Variants in FHIT observed in about 807,000 individuals in gnomAD.
The protein encoded by FHIT is fragile histidine triad diadenosine triphosphatase, also known as bis(5'-adenosyl)-triphosphatase.
Under a neutral mutation model 17.9 loss-of-function variants are expected in FHIT, and 19 were observed. The ratio of observed to expected loss-of-function variants is 1.06; its 90% CI spans 0.74 to 1.56. The LOEUF (loss-of-function observed/expected upper bound fraction) is 1.56, where lower values mean the gene tolerates loss of function less well. Ranked by LOEUF, FHIT falls within the 40% of genes most tolerant of loss-of-function variation. The probability of loss-of-function intolerance (pLI) is 0.00; values close to 1 mark genes in which losing one functional copy is unlikely to be tolerated. For missense variants in FHIT, 248 were observed against 189.2 expected, an observed-to-expected ratio of 1.31 and a Z score of -1.82; for synonymous variants, 81 against 69.7, an observed-to-expected ratio of 1.16 and a Z score of -0.81.
chr3:60,946,233 C>T (rs1317789323), intron 3 of FHIT, among the ~76,000 whole-genome samples: 2 of 152,102 alleles, frequency 1.3e-5, no homozygotes, highest in Non-Finnish European at 2.9e-5. Flanking sequence ...GGCAGCAGCC[C>T]TGAAAAGATA....
intron 2 of FHIT, among the ~76,000 whole-genome samples, chr3:61,186,980 A>C (rs528470676): frequency 6.6e-6 from 1 of 152,278 alleles, no homozygotes; most frequent in South Asian, 2.1e-4. Context: ...CATAACTTTT[A>C]ATTGTATATG....
At chr3:60,886,817 C>T (rs1346162283) in intron 3 of FHIT, among the ~76,000 whole-genome samples, 1 of 152,130 alleles carries the variant, frequency 6.6e-6, no homozygotes, top group East Asian at 1.9e-4. Context: ...CATTCTATCC[C>T]TACACCAAAT....
chr3:60,565,828 C>G (rs906101328), intron 4 of FHIT, among the ~76,000 whole-genome samples: 1 of 152,018 alleles, frequency 6.6e-6, no homozygotes, highest in Non-Finnish European at 1.5e-5. Flanking sequence ...GCTCTTGCTT[C>G]TCTAGTTCTT....
At chr3:60,189,316 C>G (rs1316685846) in intron 5 of FHIT, among the ~76,000 whole-genome samples, 1 of 152,074 alleles carries the variant, frequency 6.6e-6, no homozygotes, top group Non-Finnish European at 1.5e-5. Context: ...TATTATTCAT[C>G]CTATTTTAAA....
rs145227003 is a variant in FHIT, at chr3:60,020,840, C to T, written c.104-6688G>A. Among the ~76,000 whole-genome samples the T allele has an allele frequency of 8.2e-3, 1,241 of 152,190 alleles. 20 individuals are homozygous for T. Among genetic ancestry groups the T allele is most frequent in the African/African-American group, 0.028 (1,153 of 41,538 alleles). On this transcript the variant is annotated intron_variant, in intron 5 of 9. Coordinates refer to ENST00000492590, the MANE Select transcript of FHIT (RefSeq NM_002012.4). ...TTACAGAGCTTTGAGTCAAAGTAGG[C>T]GGCATCTCAAAAAGTAATCTATTCA...
chr3:60,648,893 ACG>A (rs2039926505), intron 4 of FHIT, among the ~76,000 whole-genome samples: 1 of 152,168 alleles, frequency 6.6e-6, no homozygotes, highest in Non-Finnish European at 1.5e-5. Flanking sequence ...GATAAGGGGC[ACG>A]TGGAGGAATA....
intron 3 of FHIT, among the ~76,000 whole-genome samples, chr3:60,995,591 G>C (rs763382917): frequency 3.9e-5 from 6 of 152,142 alleles, no homozygotes; most frequent in Non-Finnish European, 7.3e-5. Flanking sequence ...ATGTTATGCA[G>C]AATGTTTCAA....
chr3:60,249,219 T>C (rs1439327908), intron 5 of FHIT, among the ~76,000 whole-genome samples: 1 of 152,164 alleles, frequency 6.6e-6, no homozygotes, highest in African/African-American at 2.4e-5. Context: ...TGTTCGTTTT[T>C]CTATTCTTGA....
intron 8 of FHIT, among the ~76,000 whole-genome samples, chr3:59,865,357 C>T (rs1351359702): frequency 6.6e-6 from 1 of 152,240 alleles, no homozygotes; most frequent in Non-Finnish European, 1.5e-5. Context: ...ATCGTGCAAG[C>T]ACGTTAGCTA....
chr3:60,139,922 G>A (rs772399529), intron 5 of FHIT, among the ~76,000 whole-genome samples: 15 of 151,890 alleles, frequency 9.9e-5, no homozygotes, highest in Admixed American at 5.9e-4. Context: ...AGGAGTTCAC[G>A]ACCAGCCTGG....
chr3:60,706,734 G>C (rs2041382415), intron 4 of FHIT, among the ~76,000 whole-genome samples: 2 of 152,146 alleles, frequency 1.3e-5, no homozygotes, highest in African/African-American at 4.8e-5. Flanking sequence ...CATTTGGTCT[G>C]ATTCATTTAC....
At chr3:60,009,207 GT>G (rs1700044763) in intron 7 of FHIT, among the ~76,000 whole-genome samples, 1 of 146,416 alleles carries the variant, frequency 6.8e-6, no homozygotes, top group African/African-American at 2.5e-5. Context: ...GTGTGTGTGT[GT>G]GTGTGTGTGT....
intron 4 of FHIT, among the ~76,000 whole-genome samples, chr3:60,549,888 A>G (rs2107621596): frequency 6.6e-6 from 1 of 152,326 alleles, no homozygotes; most frequent in South Asian, 2.1e-4. Context: ...ACTGTAAAAA[A>G]TAATCTGCTA....
At chr3:60,257,740 T>C (rs778352513) in intron 5 of FHIT, among the ~76,000 whole-genome samples, 50 of 152,292 alleles carry the variant, frequency 3.3e-4, no homozygotes, top group Non-Finnish European at 5.7e-4. Context: ...TCATGTCCTT[T>C]GCAGTGACAT....
intron 5 of FHIT, among the ~76,000 whole-genome samples, chr3:60,463,793 T>C (rs1365806886): frequency 2.0e-5 from 3 of 152,230 alleles, no homozygotes; most frequent in African/African-American, 7.2e-5. Context: ...TGTTAACTTA[T>C]GTAAAATGGA....
chr3:60,278,894 T>C (rs1278378310), intron 5 of FHIT, among the ~76,000 whole-genome samples: 1 of 152,060 alleles, frequency 6.6e-6, no homozygotes, highest in Non-Finnish European at 1.5e-5. Flanking sequence ...AACAATGCTT[T>C]GCAGGAAATT....
intron 6 of FHIT, among the ~76,000 whole-genome samples, chr3:60,012,092 C>G (rs1700159821): frequency 6.6e-6 from 1 of 152,048 alleles, no homozygotes; most frequent in South Asian, 2.1e-4. Flanking sequence ...CCAGGTTTGT[C>G]TACCTCTATG....
intron 4 of FHIT, among the ~76,000 whole-genome samples, chr3:60,672,152 G>A (rs916792200): frequency 2.4e-4 from 37 of 152,102 alleles, no homozygotes; most frequent in Admixed American, 2.4e-3. Context: ...TGTATTTAAA[G>A]TGCATATGTT....
chr3:60,595,112 G>T (rs934959643), intron 4 of FHIT, among the ~76,000 whole-genome samples: 4 of 152,034 alleles, frequency 2.6e-5, no homozygotes, highest in Non-Finnish European at 5.9e-5. Context: ...GCAACAGTCT[G>T]GCCTCACCAA....
Sources: gnomAD v4.1 joint callset for allele counts (sites outside exome capture counted in the v4.1 genomes callset) on GRCh38, gnomAD v4.1.1 for gene constraint, MANE v1.5 for transcripts, NCBI Gene and HGNC (gene_info 2026-07-23, HGNC 2026-07-21) for gene names.